EHD1: variants seen among roughly 807,000 people sequenced by gnomAD.
EHD1 encodes the protein EH domain-containing protein 1.
A neutral mutation model predicts 39.0 loss-of-function variants in EHD1; 19 were observed. The ratio of observed to expected loss-of-function variants is 0.49; its 90% CI spans 0.34 to 0.72. The LOEUF (loss-of-function observed/expected upper bound fraction) is 0.72, where lower values mean the gene tolerates loss of function less well. EHD1 is among the 30% of genes least tolerant of loss of function. The pLI is 0.01. For synonymous variants in EHD1, 323 were observed against 331.2 expected, an observed-to-expected ratio of 0.98 and a Z score of 0.27; for missense variants, 542 against 751.5, an observed-to-expected ratio of 0.72 and a Z score of 3.26.
chr11:64,854,171 G>T lies in EHD1; in HGVS notation c.*162C>A. 1 of 1,249,734 alleles carries T rather than the reference G, an allele frequency of 8.0e-7. No individual in the cohort carries two copies. Among genetic ancestry groups the T allele is most frequent in the Non-Finnish European group, 1.1e-6 (1 of 930,702 alleles). The allele number at this position is 1,249,734 out of a possible 1,614,324, so 77.4% of individuals were successfully genotyped here. A position where few individuals can be genotyped will look rare whatever the true frequency, so the allele number is the denominator to read the frequency against. On this transcript the variant is annotated 3_prime_UTR_variant, in exon 5 of 5. Coordinates refer to ENST00000320631, the MANE Select transcript of EHD1 (RefSeq NM_006795.4). ...CTCTCACCCCTGCCTCCCCCGCCAG[G>T]CCCAGGAACAGCCTTAAAAGAAAGA...
At chr11:64,871,914 C>T (rs1376080335) in intron 2 of EHD1, among the ~76,000 whole-genome samples, 6 of 152,214 alleles carry the variant, frequency 3.9e-5, no homozygotes, top group African/African-American at 1.4e-4. Context: ...TACGTCCACC[C>T]CTTGCTCCCA....
At position 64,873,344 on chromosome 11, in the gene EHD1, C is replaced by G. The variant is rs765443721; in HGVS notation, c.502+1077G>C. ...CTTCTCCTTTTGCTTGGCTCTCTCT[C>G]AGTCCTGCTGGACGTGTGAGGAATG... On this transcript the variant is annotated intron_variant, in intron 2 of 4. Coordinates refer to ENST00000320631, the MANE Select transcript of EHD1 (RefSeq NM_006795.4). Among the ~76,000 whole-genome samples, 3 of 152,344 alleles carry G rather than the reference C, an allele frequency of 2.0e-5. No individual in the cohort carries two copies. In the South Asian group the frequency reaches 6.2e-4, roughly 32 times the overall value.
At position 64,854,420 on chromosome 11, in the gene EHD1, G is replaced by A. The variant is rs920241270; in HGVS notation, c.1518C>T (p.His506=). Residue 506 remains histidine (H), a synonymous_variant, in exon 5 of 5, where the codon CAC becomes CAT. Transcript: ENST00000320631. ...GGCCCTCCAGCTTGACCTTGATGAG[G>A]TGGTTGGCCAGCGCGAACTCCTCGT... is the stretch of plus-strand genomic sequence containing the variant. The part of the protein sequence containing the change: ...LDDEEFALAN[H]LIKVKLEGHE... The A allele has an allele frequency of 2.5e-6, 4 of 1,614,064 alleles. No homozygotes were observed. The East Asian group carries it at 6.7e-5, about 27-fold the overall frequency.
upstream of EHD1, chr11:64,879,013 C>A: frequency 6.0e-6 from 6 of 995,178 alleles, no homozygotes; most frequent in Non-Finnish European, 7.2e-6. Flanking sequence ...TCCCTGACTA[C>A]GCGCCGCGCC....
chr11:64,877,295 G>T (rs564100576), intron 1 of EHD1, among the ~76,000 whole-genome samples: 1 of 152,148 alleles, frequency 6.6e-6, no homozygotes, highest in South Asian at 2.1e-4. Context: ...CTCTCCTCGC[G>T]TGCAGAGGCC....
chr11:64,873,223 C>T (rs1297908299), intron 2 of EHD1, among the ~76,000 whole-genome samples: 12 of 152,268 alleles, frequency 7.9e-5, no homozygotes, highest in Admixed American at 6.5e-4. Flanking sequence ...CGGTGCACTA[C>T]TGCATAGCAA....
At chr11:64,869,901 C>T (rs564432336) in intron 2 of EHD1, among the ~76,000 whole-genome samples, 1 of 152,294 alleles carries the variant, frequency 6.6e-6, no homozygotes, top group South Asian at 2.1e-4. Flanking sequence ...GCAGGCCTGC[C>T]TCTGGGCCGG....
At chr11:64,879,051 C>A, upstream of EHD1, 3 of 999,804 alleles carry the variant, frequency 3.0e-6, no homozygotes, top group Non-Finnish European at 3.6e-6. Flanking sequence ...GGTCCTCCAG[C>A]TGGCTCGGAA....
At chr11:64,879,166 G>C (rs1716928713), upstream of EHD1, 2 of 1,035,042 alleles carry the variant, frequency 1.9e-6, no homozygotes, top group Non-Finnish European at 2.3e-6. Flanking sequence ...TCTGCTTTGG[G>C]AGAGGGAGAG....
At chr11:64,859,702 G>C in intron 3 of EHD1, 1 of 619,006 alleles carries the variant, frequency 1.6e-6, no homozygotes, top group Non-Finnish European at 2.7e-6. Context: ...ACCACAAACA[G>C]AACAGGTTTA....
chr11:64,864,207 G>A (rs1275114931), intron 2 of EHD1, among the ~76,000 whole-genome samples: 1 of 152,228 alleles, frequency 6.6e-6, no homozygotes, highest in Non-Finnish European at 1.5e-5. Context: ...CAGGGGAGCC[G>A]GGGTCCTGGC....
intron 3 of EHD1, among the ~76,000 whole-genome samples, chr11:64,858,754 T>C (rs1273236603): frequency 6.6e-6 from 1 of 152,242 alleles, no homozygotes; most frequent in Admixed American, 6.5e-5. Flanking sequence ...GGCCCGCTGG[T>C]GGCATTAACC....
At position 64,859,975 on chromosome 11, in the gene EHD1, G is replaced by A. The variant is rs1006228795; in HGVS notation, c.864C>T (p.Asn288=). Residue 288 remains asparagine (N), a synonymous_variant, in exon 3 of 5, where the codon AAC becomes AAT. Transcript: ENST00000320631. ...GGTCATTGAGCTTCCTGAGGGCGGC[G>A]TTTCGGGGCAGTGACTGGATGTCCT... ...LFKDIQSLPR[N]AALRKLNDLI... 3.7e-6 allele frequency: 6 copies of A among 1,613,734 alleles called. No homozygotes were observed. The highest frequency in any genetic ancestry group is 1.3e-5 in the African/African-American group (1 of 74,924).
In EHD1 at chr11:64,852,928, G is replaced by A. The variant is rs917070648; in HGVS notation, c.*1405C>T. ...TGCAGACTCCGAGCAGCGCTGGGGA[G>A]AAGCTCCCTGAGACCCCCGCGGGAA... is the stretch of plus-strand genomic sequence containing the variant. On this transcript the variant is annotated 3_prime_UTR_variant, in exon 5 of 5. Transcript: ENST00000320631. The A allele has an allele frequency of 6.6e-6, 1 of 152,414 alleles. No homozygotes were observed. Among genetic ancestry groups the A allele is most frequent in the African/African-American group, 2.4e-5 (1 of 41,466 alleles). The allele number at this position is 152,414 out of a possible 1,614,324, so 9.4% of individuals were successfully genotyped here.
chr11:64,864,385 C>T (rs1379844860), intron 2 of EHD1, among the ~76,000 whole-genome samples: 1 of 152,276 alleles, frequency 6.6e-6, no homozygotes, highest in Non-Finnish European at 1.5e-5. Flanking sequence ...GCCCCGGGCA[C>T]CCGGACTCCC....
intron 3 of EHD1, chr11:64,859,609 C>T (rs909127170): frequency 9.1e-6 from 3 of 327,944 alleles, no homozygotes; most frequent in East Asian, 1.1e-4. Flanking sequence ...AGGCTGCCTC[C>T]TTTGCTTCAG....
Position 64,851,738 on chromosome 11 carries a change from T to TTAG in EHD1, c.*2592_*2594dup, listed in dbSNP as rs1943584079. ...TGGGGGGATCTACCGTTTTTTCCTC[T>TTAG]TAGTGTGTGCTTTGGATTAGTAACC... On this transcript the variant is annotated 3_prime_UTR_variant, in exon 5 of 5. Transcript: ENST00000320631. 6.6e-6 allele frequency: 1 copy of TTAG among 152,258 alleles called. No individual in the cohort carries two copies. Among genetic ancestry groups the TTAG allele is most frequent in the African/African-American group, 2.4e-5 (1 of 41,430 alleles). The allele number at this position is 152,258 out of a possible 1,614,324, so 9.4% of individuals were successfully genotyped here. A position where few individuals can be genotyped will look rare whatever the true frequency, so the allele number is the denominator to read the frequency against.
chr11:64,864,738 G>A (rs1943750000), intron 2 of EHD1, among the ~76,000 whole-genome samples: 1 of 152,230 alleles, frequency 6.6e-6, no homozygotes, highest in Admixed American at 6.5e-5. Context: ...ACACAGCTGG[G>A]GAGGCTGTGA....
At chr11:64,862,911 C>T (rs778023864) in intron 2 of EHD1, among the ~76,000 whole-genome samples, 2 of 152,218 alleles carry the variant, frequency 1.3e-5, no homozygotes, top group Admixed American at 6.5e-5. Context: ...TCTTCCTCTG[C>T]CCCTAGAGTA....
Sources: allele counts gnomAD v4.1 joint callset (sites outside exome capture counted in the v4.1 genomes callset), GRCh38; gene constraint gnomAD v4.1.1; transcripts MANE v1.5; gene names NCBI Gene and HGNC (gene_info 2026-07-23, HGNC 2026-07-21).